The following C10orf53 variants were observed in gnomAD, a reference collection of about 807,000 sequenced individuals.
C10orf53 encodes the protein chromosome 10 open reading frame 53.
In C10orf53, 8 loss-of-function variants were observed where a neutral mutation model predicts 9.4. The observed-to-expected ratio is 0.85, with a 90% confidence interval of 0.50 to 1.53. C10orf53 has a LOEUF of 1.53. Among genes scored for constraint, C10orf53 ranks in the 40% most tolerant of loss-of-function variants. The pLI is 0.00. For synonymous variants in C10orf53, 48 were observed against 46.0 expected (o/e 1.04, Z -0.18); for missense variants, 117 against 117.8 (o/e 0.99, Z 0.03).
chr10:49,701,716 C>T (rs536467502), downstream of C10orf53, among the ~76,000 whole-genome samples: 30 of 152,116 alleles, frequency 2.0e-4, no homozygotes, highest in Non-Finnish European at 2.6e-4. Flanking sequence ...GCCTGCCCTG[C>T]CCTCCCACCA....
exon 3 of C10orf53, chr10:49,710,242 A>G (rs912995167): frequency 1.3e-5 from 2 of 152,110 alleles, no homozygotes; most frequent in Non-Finnish European, 2.9e-5. Flanking sequence ...TTCTTACTTA[A>G]TAAAACATGT....
At chr10:49,693,365 C>T (rs560445932) in intron 1 of C10orf53, among the ~76,000 whole-genome samples, 11 of 152,214 alleles carry the variant, frequency 7.2e-5, no homozygotes, top group South Asian at 6.2e-4. Context: ...GCTTTTGGTA[C>T]GTACTGCCAA....
At chr10:49,688,030 A>T (rs958274623) in intron 1 of C10orf53, among the ~76,000 whole-genome samples, 1 of 152,190 alleles carries the variant, frequency 6.6e-6, no homozygotes, top group African/African-American at 2.4e-5. Context: ...TTGAGTCAGG[A>T]GTAGCTATGA....
chr10:49,709,977 G>GTGTGTGTGTC (rs1554812800), exon 3 of C10orf53: 3 of 44,368 alleles, frequency 6.8e-5, no homozygotes, highest in African/African-American at 2.7e-4. Flanking sequence ...GTGTGTCTGT[G>GTGTGTGTGTC]TGTGTGTGTG....
chr10:49,698,643 C>T (rs185258801), downstream of C10orf53, among the ~76,000 whole-genome samples: 211 of 152,250 alleles, frequency 1.4e-3, no homozygotes, highest in African/African-American at 4.8e-3. Context: ...AAGTGCTAGC[C>T]CAGGTCTCGG....
chr10:49,690,180 G>A (rs1208177680), intron 1 of C10orf53, among the ~76,000 whole-genome samples: 1 of 152,180 alleles, frequency 6.6e-6, no homozygotes, highest in Non-Finnish European at 1.5e-5. Flanking sequence ...AGCAAGAGGA[G>A]CATTTTTATG....
chr10:49,705,609 C>T (rs558816132), intron 2 of C10orf53, among the ~76,000 whole-genome samples: 3 of 151,936 alleles, frequency 2.0e-5, no homozygotes, highest in Non-Finnish European at 4.4e-5. Context: ...TACCTCACAC[C>T]ATATACAAAA....
chr10:49,688,357 A>G (rs1000751862), intron 1 of C10orf53, among the ~76,000 whole-genome samples: 1 of 151,970 alleles, frequency 6.6e-6, no homozygotes, highest in Admixed American at 6.6e-5. Context: ...AATCCCTCTT[A>G]GGCCTCCTGA....
rs1055925179 is a variant in C10orf53, at chr10:49,696,552, T to G, written c.*1950T>G. Among the ~76,000 whole-genome samples the G allele has an allele frequency of 1.4e-4, 22 of 152,058 alleles. No individual in the cohort carries two copies. The highest frequency in any genetic ancestry group is 5.1e-4 in the African/African-American group (21 of 41,378). ...TGTGCCTTCAGAGTAGCACTACAAG[T>G]GAAGAAGACCTGCCCTCCTTGGCTT... is the stretch of plus-strand genomic sequence containing the variant. On this transcript the variant is annotated 3_prime_UTR_variant, in exon 3 of 3. Coordinates refer to ENST00000374111, the MANE Select transcript of C10orf53 (RefSeq NM_001042427.3).
intron 1 of C10orf53, among the ~76,000 whole-genome samples, chr10:49,690,892 C>A (rs938552447): frequency 6.6e-6 from 1 of 152,170 alleles, no homozygotes; most frequent in South Asian, 2.1e-4. Flanking sequence ...TCCTGACCAG[C>A]GGCATTTAAA....
At chr10:49,689,854 T>A (rs1414915987) in intron 1 of C10orf53, among the ~76,000 whole-genome samples, 5 of 152,144 alleles carry the variant, frequency 3.3e-5, no homozygotes, top group African/African-American at 1.2e-4. Flanking sequence ...TAAAGTTTTT[T>A]TAAAAAAGTA....
chr10:49,706,726 T>A (rs1435154738), intron 2 of C10orf53, among the ~76,000 whole-genome samples: 1 of 152,210 alleles, frequency 6.6e-6, no homozygotes, highest in Non-Finnish European at 1.5e-5. Context: ...GAATTGTACA[T>A]ATGTGAATTC....
Position 49,704,187 on chromosome 10 carries a change from C to G in C10orf53, c.218-4174C>G, listed in dbSNP as rs532430026. On this transcript the variant is annotated intron_variant, in intron 2 of 2. Coordinates refer to the C10orf53 transcript ENST00000374112. ...AGAAAAAAATGATTAAATTCAACTT[C>G]ATAAGAAGAAAAGTGGTTTTGTGTT... Among the ~76,000 whole-genome samples the G allele has an allele frequency of 2.0e-5, 3 of 152,282 alleles. No homozygotes were observed. In the East Asian group the frequency reaches 5.8e-4, roughly 29 times the overall value.
intron 1 of C10orf53, 61 bp from the exon 2 acceptor site, chr10:49,693,713 C>T (rs1840606696): frequency 6.5e-7 from 1 of 1,548,220 alleles, no homozygotes; most frequent in African/African-American, 1.4e-5. Flanking sequence ...AGGACTGCTA[C>T]CAGTCAGGTT....
At chr10:49,694,089 A>T in intron 2 of C10orf53, 196 bp downstream of exon 2, 5 of 697,134 alleles carry the variant, frequency 7.2e-6, no homozygotes, top group Non-Finnish European at 1.2e-5. Context: ...AAAGTGTGTG[A>T]TGCTACGAGT....
Position 49,694,897 on chromosome 10 carries a change from A to C in C10orf53, c.*295A>C. On this transcript the variant is annotated 3_prime_UTR_variant, in exon 3 of 3. Coordinates refer to ENST00000374111, the MANE Select transcript of C10orf53 (RefSeq NM_001042427.3). ...CTGAAGGAAACAATAAAATGCAATC[A>C]AATAACAAGGTGCCATTCCTGACTA... 8.5e-7 allele frequency: 1 copy of C among 1,177,170 alleles called. No homozygotes were observed. The highest frequency in any genetic ancestry group is 1.6e-5 in the African/African-American group (1 of 64,162). 72.9% of individuals were successfully genotyped at this position (1,177,170 alleles called of 1,614,324 possible).
intron 2 of C10orf53, among the ~76,000 whole-genome samples, chr10:49,703,115 G>A (rs1038084656): frequency 1.3e-5 from 2 of 152,126 alleles, no homozygotes; most frequent in African/African-American, 4.8e-5. Flanking sequence ...CTAGAGTCAA[G>A]CTCAACAAGG....
At chr10:49,703,632 T>C (rs1199982915) in intron 2 of C10orf53, among the ~76,000 whole-genome samples, 2 of 152,212 alleles carry the variant, frequency 1.3e-5, no homozygotes, top group African/African-American at 4.8e-5. Context: ...CACTAAGGTC[T>C]TGTGATGCCT....
In C10orf53 at chr10:49,683,279, A is replaced by G. The variant is rs1438966299; in HGVS notation, c.97+3485A>G. Among the ~76,000 whole-genome samples the G allele has an allele frequency of 2.0e-5, 3 of 152,190 alleles. No individual in the cohort carries two copies. In the East Asian group the frequency reaches 5.8e-4, roughly 29 times the overall value. ...ACTTAAATTTCCCTAATGATTGGTG[A>G]TGTTGAACATCTTTTCATGTGCTTA... On this transcript the variant is annotated intron_variant, in intron 1 of 2. Coordinates refer to ENST00000374111, the MANE Select transcript of C10orf53 (RefSeq NM_001042427.3).
Sources: allele counts gnomAD v4.1 joint callset (sites outside exome capture counted in the v4.1 genomes callset), GRCh38; gene constraint gnomAD v4.1.1; transcripts MANE v1.5; gene names NCBI Gene and HGNC (gene_info 2026-07-23, HGNC 2026-07-21).